ADCY8: variants seen among roughly 807,000 people sequenced by gnomAD.
ADCY8 encodes the protein adenylate cyclase 8, also known as adenylate cyclase type 8.
Under a neutral mutation model 119.7 loss-of-function variants are expected in ADCY8, and 51 were observed. That is an observed-to-expected ratio of 0.43 (90% CI 0.34 to 0.54). The LOEUF is 0.54. Among genes scored for constraint, ADCY8 ranks in the 20% least tolerant of loss-of-function variants. The pLI is 0.03. For missense variants in ADCY8, 1,383 were observed against 1,598.8 expected (o/e 0.87, Z 2.30); for synonymous variants, 665 against 651.0 (o/e 1.02, Z -0.33).
At chr8:130,851,405 G>C (rs1004875343) in intron 9 of ADCY8, among the ~76,000 whole-genome samples, 3 of 152,218 alleles carry the variant, frequency 2.0e-5, no homozygotes, top group Non-Finnish European at 2.9e-5. Context: ...AAGGCTTGCA[G>C]GTAGGAAAGA....
intron 4 of ADCY8, among the ~76,000 whole-genome samples, chr8:130,940,561 T>C (rs192343157): frequency 1.1e-4 from 17 of 152,198 alleles, no homozygotes; most frequent in African/African-American, 3.8e-4. Context: ...AAGGCCTGGA[T>C]TCTTATCTGT....
chr8:130,930,250 T>A (rs990796408), intron 5 of ADCY8, among the ~76,000 whole-genome samples: 2 of 151,934 alleles, frequency 1.3e-5, no homozygotes, highest in African/African-American at 2.4e-5. Context: ...GATTCCTTCT[T>A]CTACATTTTT....
chr8:130,978,842 C>G (rs1822151524), intron 2 of ADCY8, among the ~76,000 whole-genome samples: 1 of 152,146 alleles, frequency 6.6e-6, no homozygotes. Flanking sequence ...CACCAAAGCT[C>G]TGAAGAGAAC....
chr8:130,869,983 C>T (rs1489045701), intron 8 of ADCY8, among the ~76,000 whole-genome samples: 1 of 119,490 alleles, frequency 8.4e-6, no homozygotes, highest in Non-Finnish European at 1.8e-5. Context: ...CTTCCTCCTC[C>T]TCCTCCTCCT....
intron 11 of ADCY8, among the ~76,000 whole-genome samples, chr8:130,845,186 T>A (rs994832978): frequency 2.6e-5 from 4 of 152,154 alleles, no homozygotes; most frequent in Non-Finnish European, 5.9e-5. Flanking sequence ...TACCCACCAC[T>A]TTCTTAGGAT....
At chr8:130,798,201 G>T (rs957272608) in intron 15 of ADCY8, among the ~76,000 whole-genome samples, 2 of 152,184 alleles carry the variant, frequency 1.3e-5, no homozygotes, top group African/African-American at 4.8e-5. Flanking sequence ...CTATTGGGTG[G>T]TAAACAGGGT....
chr8:130,953,944 T>C (rs1271427206), intron 2 of ADCY8, among the ~76,000 whole-genome samples: 1 of 152,210 alleles, frequency 6.6e-6, no homozygotes, highest in Non-Finnish European at 1.5e-5. Flanking sequence ...ATTTGTGCTA[T>C]TTGTCAACTT....
intron 1 of ADCY8, among the ~76,000 whole-genome samples, chr8:131,033,341 C>T (rs540327043): frequency 1.3e-5 from 2 of 152,268 alleles, no homozygotes; most frequent in East Asian, 1.9e-4. Context: ...ATGGAATAAA[C>T]TCTTTTTAAA....
At chr8:130,792,060 T>C (rs956554799) in intron 15 of ADCY8, among the ~76,000 whole-genome samples, 2 of 152,254 alleles carry the variant, frequency 1.3e-5, no homozygotes, top group Admixed American at 1.3e-4. Flanking sequence ...GCCATGCCAC[T>C]GAAACTGCTC....
chr8:130,811,264 G>GT lies in ADCY8; in HGVS notation c.2913+2804dup, dbSNP rs141190375. 3.2e-3 allele frequency among the ~76,000 whole-genome samples: 487 copies of GT among 152,204 alleles called. 1 individual carries two copies. The highest frequency in any genetic ancestry group is 0.011 in the African/African-American group (461 of 41,508). On this transcript the variant is annotated intron_variant, in intron 14 of 17. Transcript: ENST00000286355. ...CTTGTCTTCCACTAGTTTTTCTTCAGTGGCTCAGATGAAAAATGGACCTCA... is the reference window on the plus strand; with the variant it reads ...CTTGTCTTCCACTAGTTTTTCTTCAGTTGGCTCAGATGAAAAATGGACCTCA...
At chr8:130,793,400 C>T (rs1004004196) in intron 15 of ADCY8, among the ~76,000 whole-genome samples, 1 of 152,192 alleles carries the variant, frequency 6.6e-6, no homozygotes, top group Non-Finnish European at 1.5e-5. Context: ...TTGCACCCCT[C>T]CCTCCAAACC....
chr8:130,806,422 C>G (rs1815960090), intron 14 of ADCY8, among the ~76,000 whole-genome samples: 1 of 152,258 alleles, frequency 6.6e-6, no homozygotes, highest in East Asian at 1.9e-4. Context: ...AGAGACCCAG[C>G]AGAAAAGAGG....
At chr8:130,896,253 C>T (rs1394769280) in intron 7 of ADCY8, among the ~76,000 whole-genome samples, 1 of 152,148 alleles carries the variant, frequency 6.6e-6, no homozygotes, top group East Asian at 1.9e-4. Context: ...CTTGCCCCAC[C>T]TTCGTCTCTA....
intron 8 of ADCY8, among the ~76,000 whole-genome samples, chr8:130,875,399 A>T (rs1818523160): frequency 6.6e-6 from 1 of 152,234 alleles, no homozygotes; most frequent in Non-Finnish European, 1.5e-5. Flanking sequence ...GATCATGAAA[A>T]TGACTAGGAG....
intron 1 of ADCY8, among the ~76,000 whole-genome samples, chr8:131,031,227 C>T (rs574192721): frequency 9.2e-5 from 14 of 152,318 alleles, no homozygotes; most frequent in Admixed American, 7.2e-4. Context: ...TGCCCAATGG[C>T]AAGGAGCTCA....
intron 14 of ADCY8, among the ~76,000 whole-genome samples, chr8:130,802,092 C>T (rs1285445770): frequency 1.3e-5 from 2 of 152,076 alleles, no homozygotes; most frequent in African/African-American, 2.4e-5. Context: ...GCTACCATGT[C>T]TCATGCTTGG....
chr8:130,854,772 AATAAGAC>A (rs1191849382), intron 9 of ADCY8, among the ~76,000 whole-genome samples: 2 of 151,662 alleles, frequency 1.3e-5, no homozygotes, highest in Non-Finnish European at 2.9e-5. Context: ...CACAGAAAAT[AATAAGAC>A]CCAGTGCCTG....
chr8:131,034,958 A>G (rs1824105185), intron 1 of ADCY8, among the ~76,000 whole-genome samples: 1 of 152,202 alleles, frequency 6.6e-6, no homozygotes, highest in Non-Finnish European at 1.5e-5. Flanking sequence ...CAGCAATTAA[A>G]ATAGAGTAAA....
chr8:130,994,250 C>T (rs753007102), intron 1 of ADCY8, among the ~76,000 whole-genome samples: 10 of 152,218 alleles, frequency 6.6e-5, no homozygotes, highest in Non-Finnish European at 1.5e-4. Flanking sequence ...GCCCTGTGGG[C>T]TTTACATCTT....
Sources: allele counts gnomAD v4.1 joint callset (sites outside exome capture counted in the v4.1 genomes callset), GRCh38; gene constraint gnomAD v4.1.1; transcripts MANE v1.5; gene names NCBI Gene and HGNC (gene_info 2026-07-23, HGNC 2026-07-21).